The following ARHGEF18 variants were observed in gnomAD, a reference collection of about 807,000 sequenced individuals.
ARHGEF18 encodes the protein Rho/Rac guanine nucleotide exchange factor 18.
In ARHGEF18, 93 loss-of-function variants were observed where a neutral mutation model predicts 155.7. The observed-to-expected ratio is 0.60, with a 90% CI of 0.50 to 0.71. The LOEUF (loss-of-function observed/expected upper bound fraction) is 0.71. Ranked by LOEUF, ARHGEF18 falls within the 30% of genes least tolerant of loss-of-function variation. The pLI, the probability that ARHGEF18 is intolerant of heterozygous loss-of-function variation, is 0.00. For synonymous variants in ARHGEF18, 742 were observed against 753.1 expected (o/e 0.99, Z 0.24); for missense variants, 1,593 against 1,816.1 (o/e 0.88, Z 2.23).
Position 7,458,320 on chromosome 19 carries a change from A to T in ARHGEF18, c.2182-192A>T, listed in dbSNP as rs1975979768. Among the ~76,000 whole-genome samples, 10 of 139,636 alleles carry T rather than the reference A, an allele frequency of 7.2e-5. No individual in the cohort carries two copies. The South Asian group carries it at 2.4e-3, about 33-fold the overall frequency. The allele number at this position is 139,636 out of a possible 152,430, so 91.6% of individuals were successfully genotyped here. A position where few individuals can be genotyped will look rare whatever the true frequency, so the allele number is the denominator to read the frequency against. Reference sequence around the variant, plus strand: ...TTTAAAAAAAAAAAAAAAAAAAAAAAGGTTTCTAGGATTTCACTGCAATAG... The same window carrying T: ...TTTAAAAAAAAAAAAAAAAAAAAAATGGTTTCTAGGATTTCACTGCAATAG... On this transcript the variant is annotated intron_variant, in intron 18 of 28. Coordinates refer to ENST00000668164, the MANE Select transcript of ARHGEF18 (RefSeq NM_001367823.1).
chr19:7,406,135 C>T (rs144495802), intron 10 of ARHGEF18, among the ~76,000 whole-genome samples: 54 of 152,190 alleles, frequency 3.5e-4, no homozygotes, highest in Non-Finnish European at 6.0e-4. Flanking sequence ...GGCTGGAGTG[C>T]GTTGGCGCTA....
At chr19:7,428,334 T>C (rs1469844936) in intron 10 of ARHGEF18, among the ~76,000 whole-genome samples, 1 of 152,206 alleles carries the variant, frequency 6.6e-6, no homozygotes. Flanking sequence ...GCCCACTTGC[T>C]TCCTGGCTAT....
chr19:7,454,653 G>A (rs561143911), intron 17 of ARHGEF18, among the ~76,000 whole-genome samples: 1 of 152,312 alleles, frequency 6.6e-6, no homozygotes, highest in South Asian at 2.1e-4. Context: ...GAGCAAGGCA[G>A]CTGGGGTGTA....
At chr19:7,409,088 C>G (rs1259911517) in intron 10 of ARHGEF18, among the ~76,000 whole-genome samples, 1 of 125,148 alleles carries the variant, frequency 8.0e-6, no homozygotes, top group Admixed American at 9.1e-5. Context: ...GAGTTGGAGT[C>G]TCGCTCTGTC....
rs1224539138 is a variant in ARHGEF18, at chr19:7,395,074, G to C, written c.967+11871G>C. On this transcript the variant is annotated intron_variant, in intron 10 of 28. Coordinates refer to ENST00000668164, the MANE Select transcript of ARHGEF18 (RefSeq NM_001367823.1). The surrounding 1 kb of genome is among the most constrained non-coding windows in gnomAD (Gnocchi z 5.0). ...CGCCTCCTTCCGGGTCACGCCCTCT[G>C]CCCCGCCTCCGAGGCGGGATCGCGC... 1 of 985,494 alleles carries C rather than the reference G, an allele frequency of 1.0e-6. No homozygotes were observed. Among genetic ancestry groups the C allele is most frequent in the East Asian group, 1.1e-4 (1 of 8,806 alleles). 61.0% of individuals were successfully genotyped at this position (985,494 alleles called of 1,614,324 possible). A position where few individuals can be genotyped will look rare whatever the true frequency, so the allele number is the denominator to read the frequency against.
At chr19:7,407,961 C>CAAAAA (rs71179104) in intron 10 of ARHGEF18, among the ~76,000 whole-genome samples, 3 of 48,824 alleles carry the variant, frequency 6.1e-5, no homozygotes, top group East Asian at 8.0e-4. Flanking sequence ...GACTCCGTCT[C>CAAAAA]AAAAAAAAAA....
chr19:7,402,634 CTGAG>C (rs1311251815), intron 10 of ARHGEF18, among the ~76,000 whole-genome samples: 6 of 152,024 alleles, frequency 3.9e-5, no homozygotes, highest in Admixed American at 6.6e-5. Flanking sequence ...TGGTTTGAGA[CTGAG>C]TGGCAGGAAG....
chr19:7,427,563 G>A (rs940434308), intron 10 of ARHGEF18, among the ~76,000 whole-genome samples: 1 of 151,482 alleles, frequency 6.6e-6, no homozygotes, highest in Non-Finnish European at 1.5e-5. Flanking sequence ...GAGGATCACT[G>A]GAGCCCAGGA....
intron 10 of ARHGEF18, among the ~76,000 whole-genome samples, chr19:7,392,232 C>A (rs1971442130): frequency 8.1e-6 from 1 of 123,792 alleles, no homozygotes. Flanking sequence ...CAGAGTGAGA[C>A]TCCGTCTCAA....
At position 7,427,574 on chromosome 19, in the gene ARHGEF18, G is replaced by A. The variant is rs1037417866; in HGVS notation, c.968-12770G>A. On this transcript the variant is annotated intron_variant, in intron 10 of 28. Coordinates refer to ENST00000668164, the MANE Select transcript of ARHGEF18 (RefSeq NM_001367823.1). ...GTGGGAGGATCACTGGAGCCCAGGA[G>A]GTCAAGGCTGCAGTGAGCTATGATC... Among the ~76,000 whole-genome samples the A allele has an allele frequency of 4.6e-5, 7 of 151,796 alleles. No individual in the cohort carries two copies. In the East Asian group the frequency reaches 1.2e-3, roughly 25 times the overall value.
intron 10 of ARHGEF18, among the ~76,000 whole-genome samples, chr19:7,387,491 C>G (rs116193382): frequency 6.6e-6 from 1 of 151,958 alleles, no homozygotes; most frequent in South Asian, 2.1e-4. Flanking sequence ...TGTTTGCATA[C>G]GCTGAAAGCT....
At chr19:7,429,271 C>T (rs1399357568) in intron 10 of ARHGEF18, among the ~76,000 whole-genome samples, 3 of 152,194 alleles carry the variant, frequency 2.0e-5, no homozygotes, top group Non-Finnish European at 4.4e-5. Flanking sequence ...ACGGCGATCT[C>T]AGCCTGGGCT....
rs1977075736 is a variant in ARHGEF18, at chr19:7,472,271, T to C, written c.*1973T>C. 6.6e-6 allele frequency: 1 copy of C among 152,474 alleles called. No homozygotes were observed. Among genetic ancestry groups the C allele is most frequent in the African/African-American group, 2.4e-5 (1 of 41,480 alleles). The allele number at this position is 152,474 out of a possible 1,614,324, so 9.4% of individuals were successfully genotyped here. A position where few individuals can be genotyped will look rare whatever the true frequency, so the allele number is the denominator to read the frequency against. On this transcript the variant is annotated 3_prime_UTR_variant, in exon 29 of 29. Coordinates refer to ENST00000668164, the MANE Select transcript of ARHGEF18 (RefSeq NM_001367823.1). ...CCAGTGCCCCTCGGCCACTCCTGGG[T>C]TGGAGCCCGATTTTATTTGTAAAGT... is the stretch of plus-strand genomic sequence containing the variant.
At chr19:7,410,083 C>T (rs1005945994) in intron 10 of ARHGEF18, among the ~76,000 whole-genome samples, 9 of 151,592 alleles carry the variant, frequency 5.9e-5, no homozygotes, top group African/African-American at 2.2e-4. Flanking sequence ...CCATCATGCC[C>T]GGCCTGTGAA....
intron 10 of ARHGEF18, among the ~76,000 whole-genome samples, chr19:7,393,482 T>G (rs1174555545): frequency 1.3e-5 from 2 of 152,152 alleles, no homozygotes; most frequent in Non-Finnish European, 2.9e-5. Context: ...GTGTTAGGAT[T>G]ACAGGCATGA....
chr19:7,463,075 C>T lies in ARHGEF18; in HGVS notation c.2635+741C>T, dbSNP rs1976388626. 6.6e-6 allele frequency among the ~76,000 whole-genome samples: 1 copy of T among 152,122 alleles called. No individual in the cohort carries two copies. The highest frequency in any genetic ancestry group is 6.5e-5 in the Admixed American group (1 of 15,276). ...TCTCGAACTCCTGACCTCAGATGAT[C>T]CACCCTCCTCTGCCTCCCAAGGTGC... On this transcript the variant is annotated intron_variant, in intron 21 of 28. Coordinates refer to ENST00000668164, the MANE Select transcript of ARHGEF18 (RefSeq NM_001367823.1). This position sits in a 1 kb window ranked among gnomAD's most constrained non-coding sequence, Gnocchi z 5.2.
rs1976955308 is a variant in ARHGEF18, at chr19:7,470,385, A to C, written c.*87A>C. The C allele has an allele frequency of 3.3e-6, 4 of 1,226,946 alleles. No homozygotes were observed. The highest frequency in any genetic ancestry group is 4.0e-5 in the Admixed American group (1 of 24,814). The allele number at this position is 1,226,946 out of a possible 1,614,324, so 76.0% of individuals were successfully genotyped here. ...GGACCCCCATGGGGTCACCATGCCCACCCAGCTGTCCCCTCCTCTTCCCTA... is the reference window on the plus strand; with the variant it reads ...GGACCCCCATGGGGTCACCATGCCCCCCCAGCTGTCCCCTCCTCTTCCCTA... On this transcript the variant is annotated 3_prime_UTR_variant, in exon 29 of 29. Transcript: ENST00000668164. This position sits in a 1 kb window ranked among gnomAD's most constrained non-coding sequence, Gnocchi z 5.9.
At chr19:7,469,380 A>C (rs1437005320) in intron 27 of ARHGEF18, among the ~76,000 whole-genome samples, 3 of 152,190 alleles carry the variant, frequency 2.0e-5, no homozygotes, top group African/African-American at 4.8e-5. Flanking sequence ...GGGGACCAGG[A>C]GCCTTAGAAA....
chr19:7,361,268 C>T (rs1441801508), intron 1 of ARHGEF18, among the ~76,000 whole-genome samples: 3 of 151,904 alleles, frequency 2.0e-5, no homozygotes, highest in Non-Finnish European at 2.9e-5. Flanking sequence ...AGACCCCCGT[C>T]TCTACTAAAA....
Sources: allele counts gnomAD v4.1 joint callset (sites outside exome capture counted in the v4.1 genomes callset), GRCh38; gene constraint gnomAD v4.1.1; non-coding constraint Gnocchi (gnomAD v3.1); transcripts MANE v1.5; gene names NCBI Gene and HGNC (gene_info 2026-07-23, HGNC 2026-07-21).